Variants in EYA4 observed in about 807,000 individuals in gnomAD.
EYA4 encodes protein phosphatase EYA4.
In EYA4, 31 loss-of-function variants were observed where a neutral mutation model predicts 87.9. The ratio of observed to expected loss-of-function variants is 0.35; its 90% confidence interval spans 0.27 to 0.48. The LOEUF (loss-of-function observed/expected upper bound fraction) is 0.48. EYA4 is among the 20% of genes least tolerant of loss of function. The pLI is 0.99. For synonymous variants in EYA4, 263 were observed against 270.6 expected, an observed-to-expected ratio of 0.97 and a Z score of 0.28; for missense variants, 678 against 761.4, an observed-to-expected ratio of 0.89 and a Z score of 1.29.
intron 2 of EYA4, among the ~76,000 whole-genome samples, chr6:133,345,912 A>G (rs952441698): frequency 4.6e-5 from 7 of 152,188 alleles, no homozygotes; most frequent in African/African-American, 1.4e-4. Context: ...GAAACTGAGT[A>G]TTTCTAGTTC....
rs528824323 is a variant in EYA4, at chr6:133,390,172, G to A, written c.83+7731G>A. Among the ~76,000 whole-genome samples the A allele has an allele frequency of 2.1e-4, 32 of 152,272 alleles. No homozygotes were observed. In the South Asian group the frequency reaches 6.2e-3, roughly 30 times the overall value. On this transcript the variant is annotated intron_variant, in intron 3 of 19. Transcript: ENST00000355286. Reference sequence around the variant, plus strand: ...TGTGCCTAATTACTGCCCACAAAAGGTCAGGGGTTTTCTGGGCTACCTGTT... The same window carrying A: ...TGTGCCTAATTACTGCCCACAAAAGATCAGGGGTTTTCTGGGCTACCTGTT...
chr6:133,299,925 C>CTCTATCTATCTA (rs10588311), intron 2 of EYA4, among the ~76,000 whole-genome samples: 12 of 142,648 alleles, frequency 8.4e-5, no homozygotes, highest in African/African-American at 2.4e-4. Context: ...ATATAAAGAT[C>CTCTATCTATCTA]TCTATCTATC....
chr6:133,381,458 C>T (rs1786211662), intron 2 of EYA4, among the ~76,000 whole-genome samples: 2 of 152,062 alleles, frequency 1.3e-5, no homozygotes, highest in South Asian at 2.1e-4. Context: ...TATTGCAATT[C>T]ACATTGCACA....
chr6:133,456,501 A>G, intron 5 of EYA4, 55 bp from the exon 6 acceptor site: 1 of 1,188,808 alleles, frequency 8.4e-7, no homozygotes, highest in South Asian at 1.2e-5. Flanking sequence ...GAACGGACAG[A>G]GTCTTTGACA....
intron 2 of EYA4, among the ~76,000 whole-genome samples, chr6:133,344,330 ATGCCCC>A (rs1783040643): frequency 6.6e-6 from 1 of 152,226 alleles, no homozygotes; most frequent in African/African-American, 2.4e-5. Context: ...AGAGATATCT[ATGCCCC>A]TTTCCTTTTG....
At chr6:133,505,210 T>G (rs1369606494) in intron 13 of EYA4, among the ~76,000 whole-genome samples, 1 of 152,224 alleles carries the variant, frequency 6.6e-6, no homozygotes, top group Non-Finnish European at 1.5e-5. Flanking sequence ...CATGAATTAC[T>G]TCCCTATTCC....
intron 2 of EYA4, among the ~76,000 whole-genome samples, chr6:133,289,103 T>C (rs903552104): frequency 6.6e-6 from 1 of 152,120 alleles, no homozygotes; most frequent in African/African-American, 2.4e-5. Context: ...TGATGACAGA[T>C]TTTGAGAAGG....
chr6:133,294,062 T>TATATAA lies in EYA4; in HGVS notation c.33+19250_33+19251insTATAAA, dbSNP rs71003632. On this transcript the variant is annotated intron_variant, in intron 2 of 19. Coordinates refer to ENST00000355286, the MANE Select transcript of EYA4 (RefSeq NM_004100.5). ...ATATATATATATATATATATATATA[T>TATATAA]AATTCTATTCTATATATAACATTCT... is the stretch of plus-strand genomic sequence containing the variant. Among the ~76,000 whole-genome samples the TATATAA allele has an allele frequency of 1.1e-3, 112 of 105,148 alleles. 1 individual carries two copies. The highest frequency in any genetic ancestry group is 5.3e-3 in the Middle Eastern group (1 of 190). 69.0% of individuals were successfully genotyped at this position (105,148 alleles called of 152,430 possible).
rs373555991 is a variant in EYA4 at position 133,494,915 on chromosome 6, G to A, written c.1192-11191G>A. ...TAACACAACAAAATGATAAGCACTT[G>A]AGGTGATGGATACCCCATTTACCCT... On this transcript the variant is annotated intron_variant, in intron 13 of 19. Coordinates refer to ENST00000355286, the MANE Select transcript of EYA4 (RefSeq NM_004100.5). Among the ~76,000 whole-genome samples, 23 of 152,188 alleles carry A rather than the reference G, an allele frequency of 1.5e-4. No individual in the cohort carries two copies. In the East Asian group the frequency reaches 4.1e-3, roughly 27 times the overall value.
At chr6:133,323,096 T>TG in intron 2 of EYA4, among the ~76,000 whole-genome samples, 1 of 105,538 alleles carries the variant, frequency 9.5e-6, no homozygotes, top group Non-Finnish European at 2.3e-5. Flanking sequence ...GTGTGTGTGT[T>TG]TGTGTGTGTG....
At chr6:133,288,019 C>T (rs1170002676) in intron 2 of EYA4, among the ~76,000 whole-genome samples, 2 of 152,112 alleles carry the variant, frequency 1.3e-5, no homozygotes, top group Non-Finnish European at 2.9e-5. Context: ...ATCCCAGCTA[C>T]TCGGGAGGCT....
Position 133,461,117 on chromosome 6 carries a change from T to C in EYA4, c.374T>C (p.Ile125Thr), listed in dbSNP as rs770929581. The C allele has an allele frequency of 1.9e-6, 3 of 1,610,830 alleles. No homozygotes were observed. The highest frequency in any genetic ancestry group is 2.2e-5 in the South Asian group (2 of 91,034). ...GALDTFTGSVITSSGYSPRSA... is the reference protein window; with the variant it reads ...GALDTFTGSVTTSSGYSPRSA... ...CTGGTATTTTTGTGTCTTACAGTAA[T>C]TACAAGTAGTGGCTACAGCCCCAGA... Residue 125 changes from isoleucine (I) to threonine (T), a missense_variant, in exon 7 of 20, where the codon ATT becomes ACT. By Grantham distance (89) the Ile-to-Thr change is moderately conservative. Transcript: ENST00000355286.
Position 133,425,710 on chromosome 6 carries a change from A to G in EYA4, c.84-20920A>G, listed in dbSNP as rs563602893. ...TGACTGCTTTAGTTTAGCTCTAACT[A>G]TCTCTTAGCTCAGCACTTAGTCATC... On this transcript the variant is annotated intron_variant, in intron 3 of 19. Transcript: ENST00000355286. Among the ~76,000 whole-genome samples, 7 of 150,736 alleles carry G rather than the reference A, an allele frequency of 4.6e-5. No homozygotes were observed. The South Asian group carries it at 8.4e-4, about 18-fold the overall frequency.
intron 2 of EYA4, among the ~76,000 whole-genome samples, chr6:133,372,830 T>C (rs916729196): frequency 1.3e-5 from 2 of 151,860 alleles, no homozygotes; most frequent in Non-Finnish European, 2.9e-5. Context: ...AAATTTTGTG[T>C]GCATTCTATC....
At chr6:133,290,960 G>A (rs1778441835) in intron 2 of EYA4, among the ~76,000 whole-genome samples, 1 of 152,076 alleles carries the variant, frequency 6.6e-6, no homozygotes, top group East Asian at 1.9e-4. Context: ...TGAAATAATT[G>A]CTTTTGAGTT....
intron 1 of EYA4, among the ~76,000 whole-genome samples, chr6:133,243,209 A>T (rs1365414324): frequency 6.6e-6 from 1 of 152,124 alleles, no homozygotes; most frequent in Non-Finnish European, 1.5e-5. Flanking sequence ...GGCTGTCATT[A>T]CAGACACTTC....
intron 2 of EYA4, among the ~76,000 whole-genome samples, chr6:133,278,031 C>T (rs1777320257): frequency 1.3e-5 from 2 of 152,118 alleles, no homozygotes; most frequent in Admixed American, 6.5e-5. Flanking sequence ...CTTCACAAGC[C>T]CTTTCTTGCC....
chr6:133,285,943 G>A (rs1370289937), intron 2 of EYA4, among the ~76,000 whole-genome samples: 1 of 152,134 alleles, frequency 6.6e-6, no homozygotes, highest in Non-Finnish European at 1.5e-5. Flanking sequence ...TAGACATGGT[G>A]GCAGAGACAT....
At chr6:133,384,922 C>T (rs766147475) in intron 3 of EYA4, among the ~76,000 whole-genome samples, 2 of 152,094 alleles carry the variant, frequency 1.3e-5, no homozygotes, top group Non-Finnish European at 2.9e-5. Context: ...AAATGACAAC[C>T]AAACAAGAAA....
Sources: allele counts gnomAD v4.1 joint callset (sites outside exome capture counted in the v4.1 genomes callset), GRCh38; gene constraint gnomAD v4.1.1; transcripts MANE v1.5; gene names NCBI Gene and HGNC (gene_info 2026-07-23, HGNC 2026-07-21).